Variants in ACSL3 observed in about 807,000 individuals in gnomAD.
ACSL3 encodes the protein fatty acid CoA ligase Acsl3.
A neutral mutation model predicts 84.7 loss-of-function variants in ACSL3; 34 were observed. The ratio of observed to expected loss-of-function variants is 0.40; its 90% CI spans 0.31 to 0.53. The LOEUF is 0.53. ACSL3 is among the 20% of genes least tolerant of loss of function. The probability of loss-of-function intolerance (pLI) is 0.48; values close to 1 mark genes in which losing one functional copy is unlikely to be tolerated. For missense variants in ACSL3, 680 were observed against 873.1 expected, an observed-to-expected ratio of 0.78 and a Z score of 2.79; for synonymous variants, 315 against 299.4, an observed-to-expected ratio of 1.05 and a Z score of -0.54.
chr2:222,869,782 A>G (rs1191834037), intron 1 of ACSL3, among the ~76,000 whole-genome samples: 1 of 152,164 alleles, frequency 6.6e-6, no homozygotes, highest in African/African-American at 2.4e-5. Flanking sequence ...CTGAGCCATC[A>G]ACTGCTTGGG....
chr2:222,935,795 A>G (rs556377768), intron 16 of ACSL3, among the ~76,000 whole-genome samples: 1 of 152,264 alleles, frequency 6.6e-6, no homozygotes. Context: ...CATAACGTTC[A>G]ATTTACTATC....
chr2:222,916,316 C>A lies in ACSL3; in HGVS notation c.379-3C>A. On this transcript the variant is annotated splice_region_variant and splice_polypyrimidine_tract_variant and intron_variant, in intron 4 of 16. Transcript: ENST00000357430. ...TTAAAAAAATTTTTTTTTGTTTTAT[C>A]AGGTTATTCTTGGACAGTATAATTG... 6.7e-7 allele frequency: 1 copy of A among 1,489,976 alleles called. No homozygotes were observed. The highest frequency in any genetic ancestry group is 9.0e-7 in the Non-Finnish European group (1 of 1,115,344). 92.3% of individuals were successfully genotyped at this position (1,489,976 alleles called of 1,614,324 possible). A position where few individuals can be genotyped will look rare whatever the true frequency, so the allele number is the denominator to read the frequency against.
At chr2:222,906,769 C>G (rs1696304308) in intron 3 of ACSL3, among the ~76,000 whole-genome samples, 1 of 152,160 alleles carries the variant, frequency 6.6e-6, no homozygotes, top group African/African-American at 2.4e-5. Context: ...CGTGTACCAT[C>G]ACGCCCAGCT....
chr2:222,896,793 A>C (rs1574535294), intron 2 of ACSL3, among the ~76,000 whole-genome samples: 1 of 9,596 alleles, frequency 1.0e-4, no homozygotes, highest in South Asian at 9.3e-3. Context: ...GGCGCCCCTC[A>C]CCTCCCGGAC....
intron 15 of ACSL3, among the ~76,000 whole-genome samples, chr2:222,934,069 A>G (rs969772636): frequency 2.0e-5 from 3 of 152,244 alleles, no homozygotes; most frequent in African/African-American, 7.2e-5. Flanking sequence ...TCCTCTATCA[A>G]TACAAATTCT....
At chr2:222,935,746 A>G (rs1282643502) in intron 16 of ACSL3, among the ~76,000 whole-genome samples, 1 of 152,210 alleles carries the variant, frequency 6.6e-6, no homozygotes. Flanking sequence ...TTATGTCTTT[A>G]ATTTTGCATA....
intron 2 of ACSL3, among the ~76,000 whole-genome samples, chr2:222,891,482 A>C (rs1257197878): frequency 6.6e-6 from 1 of 152,138 alleles, no homozygotes; most frequent in African/African-American, 2.4e-5. Flanking sequence ...AAAAAGATAT[A>C]TATTCCTTTG....
intron 1 of ACSL3, among the ~76,000 whole-genome samples, chr2:222,874,184 G>A (rs185900960): frequency 1.7e-4 from 26 of 152,008 alleles, no homozygotes; most frequent in Admixed American, 4.6e-4. Context: ...CACCACACCC[G>A]GCTCATTTTT....
At chr2:222,896,822 G>T (rs1696000208) in intron 2 of ACSL3, among the ~76,000 whole-genome samples, 1 of 15,626 alleles carries the variant, frequency 6.4e-5, no homozygotes, top group African/African-American at 5.7e-4. Flanking sequence ...TGGCCGGGCG[G>T]GGGGGCTGAC....
intron 1 of ACSL3, among the ~76,000 whole-genome samples, chr2:222,883,167 G>GT (rs71408541): frequency 0.17 from 22,673 of 135,698 alleles, 1,904 homozygotes; most frequent in Middle Eastern, 0.23. Flanking sequence ...TTTGCTTTCT[G>GT]TTTTTTTTTT....
At chr2:222,891,520 A>G (rs568829787) in intron 2 of ACSL3, among the ~76,000 whole-genome samples, 27 of 152,274 alleles carry the variant, frequency 1.8e-4, no homozygotes, top group African/African-American at 6.3e-4. Context: ...GTTGATTTTT[A>G]TCTAGAAGAG....
intron 1 of ACSL3, among the ~76,000 whole-genome samples, chr2:222,882,812 G>T (rs1206380432): frequency 7.0e-6 from 1 of 143,586 alleles, no homozygotes; most frequent in Non-Finnish European, 1.5e-5. Flanking sequence ...CGCCCAGGCT[G>T]GCTGGAGTGC....
In ACSL3 at chr2:222,916,542, T is replaced by C. The variant is rs527910124; in HGVS notation, c.556+46T>C. ...TCTGGAAGAATGAACTTAACTGATA[T>C]TTATTGAAATACTTTACTCTGAAGA... is the stretch of plus-strand genomic sequence containing the variant. On this transcript the variant is annotated intron_variant, in intron 5 of 16. Transcript: ENST00000357430. The C allele has an allele frequency of 2.3e-5, 34 of 1,481,884 alleles. 1 individual carries two copies. The South Asian group carries it at 4.4e-4, about 19-fold the overall frequency. 91.8% of individuals were successfully genotyped at this position (1,481,884 alleles called of 1,614,324 possible).
chr2:222,883,941 T>A (rs1486549994), intron 1 of ACSL3, among the ~76,000 whole-genome samples: 1 of 152,222 alleles, frequency 6.6e-6, no homozygotes, highest in African/African-American at 2.4e-5. Context: ...TATATAGCAT[T>A]GCATTCTTGT....
intron 16 of ACSL3, among the ~76,000 whole-genome samples, chr2:222,938,883 C>T (rs114456594): frequency 2.3e-3 from 356 of 152,158 alleles, no homozygotes; most frequent in African/African-American, 8.2e-3. Flanking sequence ...TCTACCTGGT[C>T]AAGTTGCTGT....
chr2:222,881,189 T>C (rs1695584302), intron 1 of ACSL3, among the ~76,000 whole-genome samples: 1 of 152,256 alleles, frequency 6.6e-6, no homozygotes, highest in South Asian at 2.1e-4. Context: ...ATATAAAATT[T>C]ATTAATTAAC....
intron 1 of ACSL3, among the ~76,000 whole-genome samples, chr2:222,883,605 T>C (rs795883): frequency 0.91 from 138,834 of 152,186 alleles, 63,444 homozygotes; most frequent in East Asian, 0.98. Context: ...CCTTTCAAAC[T>C]GAAGACTAGT....
intron 3 of ACSL3, among the ~76,000 whole-genome samples, chr2:222,908,531 T>G (rs558280792): frequency 3.9e-5 from 6 of 152,316 alleles, no homozygotes; most frequent in African/African-American, 1.4e-4. Context: ...GTTTACAGTA[T>G]GATGTGGAAA....
intron 1 of ACSL3, among the ~76,000 whole-genome samples, chr2:222,878,257 A>G (rs1337979128): frequency 6.6e-6 from 1 of 152,216 alleles, no homozygotes; most frequent in Non-Finnish European, 1.5e-5. Context: ...GTATATACTT[A>G]TTAATGGAAG....
Sources: allele counts gnomAD v4.1 joint callset (sites outside exome capture counted in the v4.1 genomes callset), GRCh38; gene constraint gnomAD v4.1.1; transcripts MANE v1.5; gene names NCBI Gene and HGNC (gene_info 2026-07-23, HGNC 2026-07-21).